NRAP: variants seen among roughly 807,000 people sequenced by gnomAD.
NRAP encodes the protein nebulin-related-anchoring protein.
Under a neutral mutation model 225.9 loss-of-function variants are expected in NRAP, and 189 were observed. That is an observed-to-expected ratio of 0.84 (90% CI 0.74 to 0.94). NRAP has a LOEUF of 0.94. Ranked by LOEUF, NRAP falls within the 40% of genes least tolerant of loss-of-function variation. The pLI is 0.00. For synonymous variants in NRAP, 769 were observed against 790.7 expected (o/e 0.97, Z 0.46); for missense variants, 2,176 against 2,168.7 (o/e 1.00, Z -0.07).
In NRAP at chr10:113,595,659, G is replaced by A. The variant is rs372061042; in HGVS notation, c.4500C>T (p.Phe1500=). Residue 1500 remains phenylalanine (F), a synonymous_variant, in exon 38 of 42, where the codon TTC becomes TTT. Coordinates refer to ENST00000359988, the MANE Select transcript of NRAP (RefSeq NM_198060.4). ...GCAGCGCATTGAGGCGAGCTCGGGT[G>A]AAATCGGGATGGTCGGGGATCAGGG... ...RYTLIPDHPD[F]TRARLNALHL... The A allele has an allele frequency of 5.6e-6, 9 of 1,613,856 alleles. No individual in the cohort carries two copies. In the South Asian group the frequency reaches 9.9e-5, roughly 18 times the overall value.
chr10:113,646,669 C>T (rs1366611017), intron 10 of NRAP, among the ~76,000 whole-genome samples: 1 of 152,224 alleles, frequency 6.6e-6, no homozygotes, highest in Non-Finnish European at 1.5e-5. Context: ...CCTAACACCC[C>T]ACTCTGGCTG....
At chr10:113,602,340 C>T (rs903783556) in intron 35 of NRAP, among the ~76,000 whole-genome samples, 19 of 152,208 alleles carry the variant, frequency 1.2e-4, no homozygotes, top group Admixed American at 7.2e-4. Flanking sequence ...GGTGCCTGTT[C>T]TGTCCCAGAA....
At chr10:113,615,071 G>T in intron 27 of NRAP, 125 bp from the exon 28 acceptor site, 1 of 635,954 alleles carries the variant, frequency 1.6e-6, no homozygotes. Context: ...GTTGGAGTTA[G>T]AGATCATGGT....
chr10:113,648,395 C>G (rs1356169238), intron 9 of NRAP, among the ~76,000 whole-genome samples: 1 of 147,960 alleles, frequency 6.8e-6, no homozygotes, highest in Non-Finnish European at 1.5e-5. Flanking sequence ...ATGGCTTTGT[C>G]CATTCTGCTC....
At chr10:113,619,672 G>T (rs1179146234) in intron 25 of NRAP, among the ~76,000 whole-genome samples, 1 of 150,870 alleles carries the variant, frequency 6.6e-6, no homozygotes, top group African/African-American at 2.4e-5. Flanking sequence ...CAACCTGTGG[G>T]ACTATGGCCA....
At chr10:113,634,268 G>T in intron 14 of NRAP, 58 bp from the exon 15 acceptor site, 1 of 1,250,226 alleles carries the variant, frequency 8.0e-7, no homozygotes, top group Non-Finnish European at 1.2e-6. Context: ...GATTTGCTTA[G>T]CTCCCTCTCC....
At chr10:113,592,008 T>C (rs559290234) in intron 39 of NRAP, among the ~76,000 whole-genome samples, 186 bp downstream of exon 39, 1 of 152,386 alleles carries the variant, frequency 6.6e-6, no homozygotes, top group South Asian at 2.1e-4. Flanking sequence ...TGACCACAAT[T>C]TCTGCCTAAG....
chr10:113,590,484 C>T, intron 40 of NRAP, 94 bp downstream of exon 40: 1 of 1,268,960 alleles, frequency 7.9e-7, no homozygotes, highest in Non-Finnish European at 1.1e-6. Context: ...GCCCAGCTCC[C>T]CCAGAAGCTA....
intron 11 of NRAP, among the ~76,000 whole-genome samples, chr10:113,643,983 C>A (rs1379946779): frequency 6.6e-6 from 1 of 151,394 alleles, no homozygotes; most frequent in Non-Finnish European, 1.5e-5. Context: ...CCCGTCTCTA[C>A]CAAAAATACA....
In NRAP at chr10:113,633,768, A is replaced by G. The variant is rs79525436; in HGVS notation, c.1527+344T>C. Among the ~76,000 whole-genome samples the G allele has an allele frequency of 1.7e-4, 26 of 152,318 alleles. No individual in the cohort carries two copies. The East Asian group carries it at 4.8e-3, about 28-fold the overall frequency. ...TTTACCTTTTAGAGATTCATACTGA[A>G]ATATTTACAGATTACATTATACAAT... On this transcript the variant is annotated intron_variant, in intron 15 of 41. Transcript: ENST00000359988.
chr10:113,631,759 T>C (rs1257594623), intron 17 of NRAP, 98 bp downstream of exon 17: 2 of 911,608 alleles, frequency 2.2e-6, no homozygotes, highest in Non-Finnish European at 3.6e-6. Context: ...TATTGCGATG[T>C]TTACAATGTT....
rs11196397 is a variant in NRAP at position 113,615,769 on chromosome 10, C to A, written c.3021G>T (p.Pro1007=). The A allele has an allele frequency of 0.26, 422,912 of 1,606,332 alleles. 59,362 individuals carry two copies. Among genetic ancestry groups the A allele is most frequent in the East Asian group, 0.43 (19,049 of 44,798 alleles). Residue 1007 remains proline, a synonymous_variant, in exon 27 of 42, where the codon CCG becomes CCT. Coordinates refer to ENST00000359988, the MANE Select transcript of NRAP (RefSeq NM_198060.4). Reference sequence around the variant, plus strand: ...GCAGGACTTCAGGGAGGTCAGCAGTCGGTGTGTAATGATGCTTTATGTTTT... The same window carrying A: ...GCAGGACTTCAGGGAGGTCAGCAGTAGGTGTGTAATGATGCTTTATGTTTT... The part of the protein sequence containing the change: ...QGENIKHHYT[P]TADLPEVLLA...
chr10:113,603,224 A>T (rs1359337622), intron 35 of NRAP, among the ~76,000 whole-genome samples: 1 of 152,106 alleles, frequency 6.6e-6, no homozygotes, highest in African/African-American at 2.4e-5. Flanking sequence ...GAGGACATGA[A>T]CTTGTCCAAG....
chr10:113,628,559 G>A (rs773524224), intron 20 of NRAP, among the ~76,000 whole-genome samples: 27 of 152,178 alleles, frequency 1.8e-4, no homozygotes, highest in Non-Finnish European at 3.8e-4. Context: ...CAGGCATAAT[G>A]AAAACAGTAT....
At chr10:113,601,459 T>C (rs1310745949) in intron 35 of NRAP, among the ~76,000 whole-genome samples, 1 of 152,268 alleles carries the variant, frequency 6.6e-6, no homozygotes, top group Non-Finnish European at 1.5e-5. Context: ...TTTCAGGGAC[T>C]CCTGTTCACA....
At chr10:113,660,146 A>G (rs1224425756) in intron 3 of NRAP, among the ~76,000 whole-genome samples, 1 of 151,786 alleles carries the variant, frequency 6.6e-6, no homozygotes, top group Non-Finnish European at 1.5e-5. Context: ...ATATACACTC[A>G]CTATATACAC....
At chr10:113,640,183 G>A in intron 14 of NRAP, 44 bp downstream of exon 14, 1 of 1,130,526 alleles carries the variant, frequency 8.8e-7, no homozygotes. Flanking sequence ...CAGGAAGGAA[G>A]CGACAAGTGA....
In NRAP at chr10:113,589,054, C is replaced by A. The variant is rs1366463050; in HGVS notation, c.5114G>T (p.Gly1705Val). The A allele has an allele frequency of 6.2e-7, 1 of 1,613,968 alleles. No homozygotes were observed. Among genetic ancestry groups the A allele is most frequent in the South Asian group, 1.1e-5 (1 of 91,058 alleles). Residue 1705 changes from glycine to valine, a missense_variant, in exon 42 of 42, where the codon GGA (glycine) becomes GTA (valine). Coordinates refer to ENST00000359988, the MANE Select transcript of NRAP (RefSeq NM_198060.4). ...AYRGAEAVEA[G>V]DHQSGEVNPD... ...GTTCACCTCCCCACTCTGATGATCT[C>A]CAGCCTCCACTGCTTCTGCCCCCCG...
intron 25 of NRAP, among the ~76,000 whole-genome samples, chr10:113,617,795 G>T (rs1306935767): frequency 6.6e-6 from 1 of 152,082 alleles, no homozygotes; most frequent in Admixed American, 6.5e-5. Context: ...TCAAAATTAG[G>T]TTATACTAGT....
Sources: allele counts gnomAD v4.1 joint callset (sites outside exome capture counted in the v4.1 genomes callset), GRCh38; gene constraint gnomAD v4.1.1; transcripts MANE v1.5; gene names NCBI Gene and HGNC (gene_info 2026-07-23, HGNC 2026-07-21).